Variants in KIFAP3 observed in about 807,000 individuals in gnomAD.
KIFAP3 encodes kinesin associated protein 3, also known as kinesin-associated protein 3.
KIFAP3 carries 68 observed loss-of-function variants against 106.5 expected under a neutral mutation model. The ratio of observed to expected loss-of-function variants is 0.64; its 90% CI spans 0.53 to 0.78. KIFAP3 has a LOEUF of 0.78. KIFAP3 is among the 30% of genes least tolerant of loss of function. The pLI is 0.00. For missense variants in KIFAP3, 780 were observed against 941.8 expected (o/e 0.83, Z 2.25); for synonymous variants, 320 against 311.5 (o/e 1.03, Z -0.29).
At chr1:170,004,779 T>C (rs61825342) in intron 10 of KIFAP3, among the ~76,000 whole-genome samples, 12,252 of 150,600 alleles carry the variant, frequency 0.081, 534 homozygotes, top group Non-Finnish European at 0.13. Flanking sequence ...GGCAATACCA[T>C]TCAGGACATA....
intron 12 of KIFAP3, among the ~76,000 whole-genome samples, chr1:169,983,905 T>C (rs1414224132): frequency 1.3e-5 from 2 of 151,826 alleles, no homozygotes; most frequent in African/African-American, 2.4e-5. Context: ...TGAAGTAAAC[T>C]ATGGCAAAAT....
At chr1:169,939,395 T>C (rs1663983544) in intron 19 of KIFAP3, among the ~76,000 whole-genome samples, 1 of 152,152 alleles carries the variant, frequency 6.6e-6, no homozygotes, top group South Asian at 2.1e-4. Flanking sequence ...TGGTGACACA[T>C]ACTGAGACGA....
At chr1:169,921,915 CT>C (rs3838393) in intron 19 of KIFAP3, 134 bp from the exon 20 acceptor site, 471,619 of 518,896 alleles carry the variant, frequency 0.91, 214,247 homozygotes, top group African/African-American at 0.98. Context: ...ATATCATTAA[CT>C]TTTTTTTTTA....
chr1:170,037,844 A>C (rs4656203), intron 5 of KIFAP3, among the ~76,000 whole-genome samples: 41,550 of 152,082 alleles, frequency 0.27, 6,576 homozygotes, highest in East Asian at 0.5. Context: ...AAAACATTCT[A>C]TCTCCTTTTC....
chr1:170,047,219 C>A lies in KIFAP3; in HGVS notation c.165-353G>T, dbSNP rs539146385. ...CATCATAAATAAATCATTTTCTTGA[C>A]CATACCCACAAATGCTAACTTTTTT... On this transcript the variant is annotated intron_variant, in intron 2 of 19. Coordinates refer to ENST00000361580, the MANE Select transcript of KIFAP3 (RefSeq NM_014970.4). Among the ~76,000 whole-genome samples, 6 of 152,098 alleles carry A rather than the reference C, an allele frequency of 3.9e-5. No individual in the cohort carries two copies. In the East Asian group the frequency reaches 1.2e-3, roughly 29 times the overall value.
intron 9 of KIFAP3, among the ~76,000 whole-genome samples, chr1:170,020,249 T>G (rs1668741649): frequency 6.6e-6 from 1 of 152,132 alleles, no homozygotes; most frequent in African/African-American, 2.4e-5. Flanking sequence ...GCAACCCCAA[T>G]GATTTTAAAA....
intron 7 of KIFAP3, among the ~76,000 whole-genome samples, chr1:170,032,875 G>A (rs973305452): frequency 2.0e-5 from 3 of 151,498 alleles, no homozygotes; most frequent in Non-Finnish European, 3.0e-5. Flanking sequence ...TCCTCTCCTC[G>A]CACTTAAACA....
At chr1:170,038,864 C>A (rs373643575) in intron 4 of KIFAP3, among the ~76,000 whole-genome samples, 6 of 152,140 alleles carry the variant, frequency 3.9e-5, no homozygotes, top group African/African-American at 9.7e-5. Flanking sequence ...ATGGGCAGAT[C>A]ACGAGGTCAG....
intron 3 of KIFAP3, among the ~76,000 whole-genome samples, chr1:170,039,913 T>C (rs1483081647): frequency 1.3e-5 from 2 of 152,130 alleles, no homozygotes; most frequent in Admixed American, 6.5e-5. Flanking sequence ...TATTGAATTA[T>C]CTGATTAATG....
chr1:169,921,915 C>CTT, intron 19 of KIFAP3, 134 bp from the exon 20 acceptor site: 1 of 519,214 alleles, frequency 1.9e-6, no homozygotes, highest in Non-Finnish European at 3.4e-6. Flanking sequence ...ATATCATTAA[C>CTT]TTTTTTTTTT....
At chr1:170,061,572 A>C (rs2102145115) in intron 1 of KIFAP3, among the ~76,000 whole-genome samples, 1 of 152,312 alleles carries the variant, frequency 6.6e-6, no homozygotes, top group South Asian at 2.1e-4. Context: ...GTGGGACTGT[A>C]AACTAGTTCA....
upstream of KIFAP3, among the ~76,000 whole-genome samples, chr1:170,076,868 T>G (rs1267118251): frequency 6.6e-6 from 1 of 152,226 alleles, no homozygotes; most frequent in Non-Finnish European, 1.5e-5. Context: ...GAAATGTTAC[T>G]TTACAATGAG....
chr1:170,056,289 T>C (rs920499362), intron 1 of KIFAP3, among the ~76,000 whole-genome samples: 2 of 152,192 alleles, frequency 1.3e-5, no homozygotes, highest in African/African-American at 4.8e-5. Flanking sequence ...AAAAAGCATT[T>C]ACAGGTTAGG....
At chr1:170,068,377 C>T (rs1671548668) in intron 1 of KIFAP3, 1 of 151,864 alleles carries the variant, frequency 6.6e-6, no homozygotes, top group Non-Finnish European at 1.5e-5. Flanking sequence ...AATATATTAT[C>T]ATAAGGATCC....
At chr1:169,928,723 T>TAAAAAAAAAAAAAAAAAAAAAAAAAAAAA (rs1258694998) in intron 19 of KIFAP3, among the ~76,000 whole-genome samples, 37 of 65,396 alleles carry the variant, frequency 5.7e-4, no homozygotes, top group African/African-American at 7.8e-4. Flanking sequence ...AAAAAAAAAT[T>TAAAAAAAAAAAAAAAAAAAAAAAAAAAAA]AAAGTTATAC....
chr1:170,063,671 T>A (rs1671294787), intron 1 of KIFAP3, among the ~76,000 whole-genome samples: 1 of 152,190 alleles, frequency 6.6e-6, no homozygotes, highest in South Asian at 2.1e-4. Flanking sequence ...CCCATGTGTG[T>A]CTATTTCTAG....
chr1:169,997,868 AAAAAAAAAAAAAAAGAAAAAAAAAAGGAT>A (rs1476720433), intron 10 of KIFAP3, among the ~76,000 whole-genome samples: 1 of 9,030 alleles, frequency 1.1e-4, no homozygotes, highest in Admixed American at 1.3e-3. Context: ...AGACGTCTCA[AAAAAAAAAAAAAAAGAAAAAAAAAAGGAT>A]AAAAAAAAAA....
intron 16 of KIFAP3, among the ~76,000 whole-genome samples, chr1:169,977,837 T>A (rs1414435480): frequency 2.0e-5 from 3 of 152,138 alleles, no homozygotes; most frequent in Non-Finnish European, 4.4e-5. Flanking sequence ...AAGGAAGTTC[T>A]GATATGTTTG....
chr1:169,935,543 C>T (rs1663744588), intron 19 of KIFAP3, among the ~76,000 whole-genome samples: 1 of 151,842 alleles, frequency 6.6e-6, no homozygotes, highest in Admixed American at 6.6e-5. Context: ...CATTGTATTT[C>T]ATAAAATATA....
Sources: allele counts gnomAD v4.1 joint callset (sites outside exome capture counted in the v4.1 genomes callset), GRCh38; gene constraint gnomAD v4.1.1; transcripts MANE v1.5; gene names NCBI Gene and HGNC (gene_info 2026-07-23, HGNC 2026-07-21).